The following IBTK variants were observed in gnomAD, a reference collection of about 807,000 sequenced individuals.
IBTK encodes the protein inhibitor of Bruton tyrosine kinase.
IBTK carries 83 observed loss-of-function variants against 154.9 expected under a neutral mutation model. That is an observed-to-expected ratio of 0.54 (90% confidence interval 0.45 to 0.64). IBTK has a LOEUF of 0.64. Ranked by LOEUF, IBTK falls within the 30% of genes least tolerant of loss-of-function variation. The pLI is 0.00. For synonymous variants in IBTK, 515 were observed against 536.1 expected (o/e 0.96, Z 0.54); for missense variants, 1,332 against 1,584.6 (o/e 0.84, Z 2.71).
intron 1 of IBTK, among the ~76,000 whole-genome samples, chr6:82,246,191 T>C (rs566938960): frequency 1.3e-5 from 2 of 152,120 alleles, no homozygotes; most frequent in South Asian, 4.2e-4. Context: ...TAGTATAGTG[T>C]AGTAGAAAAA....
chr6:82,225,683 A>T (rs1196597563), intron 5 of IBTK, 36 bp from the exon 6 acceptor site: 2 of 1,455,736 alleles, frequency 1.4e-6, no homozygotes, highest in Non-Finnish European at 1.9e-6. Context: ...TACTACATTA[A>T]CCATTTATAC....
intron 16 of IBTK, among the ~76,000 whole-genome samples, chr6:82,209,524 G>C (rs1196062387): frequency 6.6e-6 from 1 of 152,266 alleles, no homozygotes; most frequent in South Asian, 2.1e-4. Flanking sequence ...AATCCATAGA[G>C]ACAGAAAACA....
In IBTK at chr6:82,204,876, T is replaced by C; in HGVS notation, c.2592A>G (p.Glu864=). ...LLITRLKEIC[E]VALTEKLTLK... ...ACTCACGTTTTTCAGTTAATGCTAC[T>C]TCACAAATCTCTTTCAACCGGGTTA... The change falls in exon 17 of 29, where the codon GAA becomes GAG. Residue 864 remains glutamate, a synonymous_variant. Transcript: ENST00000306270. 1 of 1,601,818 alleles carries C rather than the reference T, an allele frequency of 6.2e-7. No homozygotes were observed. Among genetic ancestry groups the C allele is most frequent in the Non-Finnish European group, 8.5e-7 (1 of 1,172,336 alleles).
chr6:82,176,055 A>G (rs1320934426), intron 26 of IBTK, among the ~76,000 whole-genome samples: 2 of 152,130 alleles, frequency 1.3e-5, no homozygotes, highest in African/African-American at 2.4e-5. Flanking sequence ...TTTTTGTTCA[A>G]ACCAAAAAAC....
At chr6:82,229,859 G>GTT (rs1226682720) in intron 4 of IBTK, among the ~76,000 whole-genome samples, 1 of 152,016 alleles carries the variant, frequency 6.6e-6, no homozygotes, top group Non-Finnish European at 1.5e-5. Context: ...TCCTATATGG[G>GTT]TTTTTATTCC....
At chr6:82,202,505 T>C in intron 18 of IBTK, 23 bp downstream of exon 18, 1 of 1,243,316 alleles carries the variant, frequency 8.0e-7, no homozygotes, top group Non-Finnish European at 1.2e-6. Context: ...GCAACAATCT[T>C]ACAACATATG....
intron 2 of IBTK, among the ~76,000 whole-genome samples, chr6:82,236,582 A>C (rs754968317): frequency 1.3e-5 from 2 of 152,230 alleles, no homozygotes; most frequent in Non-Finnish European, 2.9e-5. Context: ...ATCTGTCTCT[A>C]TTCCAGCTTT....
At chr6:82,174,031 G>C (rs1768025124) in intron 26 of IBTK, among the ~76,000 whole-genome samples, 1 of 152,074 alleles carries the variant, frequency 6.6e-6, no homozygotes, top group African/African-American at 2.4e-5. Context: ...TTCCAGTAAG[G>C]AGAAAAACTT....
intron 16 of IBTK, among the ~76,000 whole-genome samples, chr6:82,206,764 T>A (rs992031378): frequency 1.3e-5 from 2 of 151,496 alleles, no homozygotes; most frequent in Admixed American, 1.3e-4. Context: ...ACAGAATAAA[T>A]CCAAAACGAA....
intron 4 of IBTK, among the ~76,000 whole-genome samples, chr6:82,228,889 G>A (rs1770396248): frequency 6.6e-6 from 1 of 152,034 alleles, no homozygotes; most frequent in African/African-American, 2.4e-5. Flanking sequence ...CCAAAGTGCT[G>A]GGATTACAGG....
chr6:82,240,330 T>C lies in IBTK; in HGVS notation c.157A>G (p.Arg53Gly). The change falls in exon 2 of 29, where the codon AGG becomes GGG. Residue 53 changes from arginine to glycine, a missense_variant. By Grantham distance (125) the Arg-to-Gly change is moderately radical. Around this residue, in one of 3 missense-constraint regions of IBTK, gnomAD observed 84 missense variants for 96.2 expected, o/e 0.87. Coordinates refer to ENST00000306270, the MANE Select transcript of IBTK (RefSeq NM_015525.4). ...GAGGAAACAAGGTGGAGGGCATTCCTGCCAAAAACATCCTTGATAGTTGCA... is the reference window on the plus strand; with the variant it reads ...GAGGAAACAAGGTGGAGGGCATTCCCGCCAAAAACATCCTTGATAGTTGCA... ...NAATIKDVFG[R>G]NALHLVSSCG... The C allele has an allele frequency of 1.9e-6, 3 of 1,614,208 alleles. No individual in the cohort carries two copies. Among genetic ancestry groups the C allele is most frequent in the Non-Finnish European group, 2.5e-6 (3 of 1,180,034 alleles).
chr6:82,173,677 A>ATG (rs1273059903), intron 26 of IBTK: 2 of 232,840 alleles, frequency 8.6e-6, no homozygotes, highest in Non-Finnish European at 1.6e-5. Context: ...AATAATAAAT[A>ATG]TATATATACA....
intron 1 of IBTK, among the ~76,000 whole-genome samples, chr6:82,245,047 A>T (rs1771093800): frequency 6.6e-6 from 1 of 152,224 alleles, no homozygotes; most frequent in African/African-American, 2.4e-5. Flanking sequence ...ATATGTACTA[A>T]CTGAACAAAA....
At chr6:82,213,468 C>G (rs1199825787) in intron 12 of IBTK, among the ~76,000 whole-genome samples, 1 of 152,162 alleles carries the variant, frequency 6.6e-6, no homozygotes, top group African/African-American at 2.4e-5. Context: ...TAATATGATA[C>G]TATGGTGTTA....
At chr6:82,222,909 A>C (rs1423071087) in intron 8 of IBTK, among the ~76,000 whole-genome samples, 2 of 151,832 alleles carry the variant, frequency 1.3e-5, no homozygotes, top group African/African-American at 2.4e-5. Context: ...ATTAAAAAAA[A>C]AAAAACAAAA....
chr6:82,192,792 A>G (rs759036847), intron 23 of IBTK, among the ~76,000 whole-genome samples: 2 of 150,506 alleles, frequency 1.3e-5, no homozygotes, highest in Admixed American at 1.3e-4. Flanking sequence ...CCTAAATGAA[A>G]TCTACACTAC....
chr6:82,183,432 GA>G (rs901297751), intron 25 of IBTK, among the ~76,000 whole-genome samples: 52 of 135,226 alleles, frequency 3.8e-4, no homozygotes, highest in African/African-American at 1.2e-3. Flanking sequence ...ACAAAACAGA[GA>G]AAAAAAAAAG....
chr6:82,172,264 A>G (rs535479372), intron 28 of IBTK, 116 bp downstream of exon 28: 2 of 1,018,998 alleles, frequency 2.0e-6, no homozygotes, highest in South Asian at 1.8e-5. Flanking sequence ...TGGCATTTAC[A>G]TTTTAATTTC....
chr6:82,176,549 A>AGC (rs1292665902), intron 26 of IBTK, among the ~76,000 whole-genome samples: 1 of 151,674 alleles, frequency 6.6e-6, no homozygotes, highest in Non-Finnish European at 1.5e-5. Flanking sequence ...AAGAAACACA[A>AGC]GCTTACATTT....
Sources: gnomAD v4.1 joint callset for allele counts (sites outside exome capture counted in the v4.1 genomes callset) on GRCh38, gnomAD v4.1.1 for gene constraint, gnomAD v4.1.1 regional missense constraint, MANE v1.5 for transcripts, NCBI Gene and HGNC (gene_info 2026-07-23, HGNC 2026-07-21) for gene names.